Variants in MPP4 observed in about 807,000 individuals in gnomAD.
MPP4 encodes MAGUK p55 scaffold protein 4.
MPP4 carries 91 observed loss-of-function variants against 98.3 expected under a neutral mutation model. The observed-to-expected ratio is 0.93, with a 90% confidence interval of 0.78 to 1.10. The LOEUF (loss-of-function observed/expected upper bound fraction) is 1.10. Ranked by LOEUF, MPP4 falls within the 50% of genes least tolerant of loss-of-function variation. MPP4 has a pLI of 0.00. For missense variants in MPP4, 744 were observed against 792.9 expected (o/e 0.94, Z 0.74); for synonymous variants, 261 against 271.8 (o/e 0.96, Z 0.39).
rs749042448 is a variant in MPP4, at chr2:201,645,436, C to T, written c.1720-32G>A. 1.2e-5 allele frequency: 19 copies of T among 1,559,320 alleles called. No individual in the cohort carries two copies. In the South Asian group the frequency reaches 1.6e-4, roughly 13 times the overall value. On this transcript the variant is annotated intron_variant, in intron 21 of 21. Coordinates refer to ENST00000409474, the MANE Select transcript of MPP4 (RefSeq NM_033066.3). ...GAGAAATAGAAAAATATGGATAGTA[C>T]AGACTTAATTGGACAAATGGAAAAA...
rs547348692 is a variant in MPP4 at position 201,660,935 on chromosome 2, G to A, written c.1073-589C>T. 5.6e-4 allele frequency among the ~76,000 whole-genome samples: 85 copies of A among 151,992 alleles called. 4 individuals are homozygous for A. The Middle Eastern group carries it at 0.041, about 73-fold the overall frequency. On this transcript the variant is annotated intron_variant, in intron 14 of 21. Transcript: ENST00000409474. ...ATAGCCATATTCTGTTTTTTGGTTT[G>A]TTTTGAGATGCAGTCCCCTCTGTCA...
Position 201,681,546 on chromosome 2 carries a change from T to C in MPP4, c.682A>G (p.Met228Val), listed in dbSNP as rs1688666205. The C allele has an allele frequency of 1.2e-6, 2 of 1,613,726 alleles. No homozygotes were observed. The highest frequency in any genetic ancestry group is 1.7e-6 in the Non-Finnish European group (2 of 1,179,790). The change falls in exon 9 of 22, where the codon ATG (methionine) becomes GTG (valine). Residue 228 changes from methionine (M) to valine (V), a missense_variant. Physicochemically the swap from Met to Val is conservative, Grantham distance 21. Coordinates refer to ENST00000409474, the MANE Select transcript of MPP4 (RefSeq NM_033066.3). The stretch of plus-strand genomic sequence containing the variant: ...TCAGAGACTGGAACCACCTTGAACA[T>C]GATTGTGCCTCGAGACATGGCCTGG... ...HILAMSRGTI[M>V]FKVVPVSDPP...
At chr2:201,689,815 G>T (rs1482739689) in intron 4 of MPP4, among the ~76,000 whole-genome samples, 1 of 152,130 alleles carries the variant, frequency 6.6e-6, no homozygotes, top group Admixed American at 6.5e-5. Flanking sequence ...GGAGGAGTCC[G>T]TTAGACATCC....
In MPP4 at chr2:201,693,005, A is replaced by T. The variant is rs774409591; in HGVS notation, c.104T>A (p.Val35Glu). ...QNGLSQILRL[V>E]LQELSLFYGR... is the part of the protein sequence containing the mutation. ...GTAGAACAGACTCAGCTCTTGCAGC[A>T]CAAGCCTCAGGATCTGGGAGAGGCC... Residue 35 changes from valine (V) to glutamate (E), a missense_variant, in exon 3 of 22, where the codon GTG (valine) becomes GAG (glutamate). By Grantham distance (121) the Val-to-Glu change is moderately radical. Transcript: ENST00000409474. The T allele has an allele frequency of 4.3e-6, 7 of 1,612,950 alleles. No homozygotes were observed. The highest frequency in any genetic ancestry group is 5.9e-6 in the Non-Finnish European group (7 of 1,179,496).
chr2:201,674,690 C>T (rs778460213), intron 11 of MPP4, among the ~76,000 whole-genome samples: 20 of 152,096 alleles, frequency 1.3e-4, no homozygotes, highest in East Asian at 3.9e-4. Context: ...AAAACTCAGC[C>T]GCCTTTATAA....
chr2:201,675,065 C>A, intron 11 of MPP4, 142 bp downstream of exon 11: 1 of 971,312 alleles, frequency 1.0e-6, no homozygotes, highest in Non-Finnish European at 1.6e-6. Flanking sequence ...AATCTAGGGC[C>A]CTTCAAGGAG....
intron 5 of MPP4, 87 bp from the exon 6 acceptor site, chr2:201,686,137 C>T: frequency 6.8e-7 from 1 of 1,464,342 alleles, no homozygotes. Context: ...ATCTAAGACA[C>T]AGCAACAACA....
At chr2:201,653,957 C>T (rs574389734) in intron 18 of MPP4, among the ~76,000 whole-genome samples, 91 of 151,536 alleles carry the variant, frequency 6.0e-4, no homozygotes, top group African/African-American at 2.0e-3. Flanking sequence ...AAAGGAGTTA[C>T]GAGTAAAAGG....
Position 201,646,200 on chromosome 2 carries a change from A to G in MPP4, c.1720-796T>C, listed in dbSNP as rs938394132. On this transcript the variant is annotated intron_variant, in intron 21 of 21. Coordinates refer to ENST00000409474, the MANE Select transcript of MPP4 (RefSeq NM_033066.3). ...TTGAAACTTTTTAACCATATACAAC[A>G]TAAAACCAAAGAAAATGTACCAGTT... 3.3e-5 allele frequency among the ~76,000 whole-genome samples: 5 copies of G among 152,292 alleles called. No homozygotes were observed. In the East Asian group the frequency reaches 7.7e-4, roughly 23 times the overall value.
chr2:201,682,210 A>G (rs545493484), intron 8 of MPP4, among the ~76,000 whole-genome samples: 103 of 152,306 alleles, frequency 6.8e-4, no homozygotes, highest in Middle Eastern at 3.4e-3. Context: ...AGCCATGCAT[A>G]TCTGTGATTT....
At chr2:201,661,643 G>A (rs62193397) in intron 14 of MPP4, 167,507 of 454,596 alleles carry the variant, frequency 0.37, 33,855 homozygotes, top group Non-Finnish European at 0.41. Context: ...CACTTGTGTA[G>A]CACTTCCTGT....
chr2:201,663,213 C>T (rs117045807), intron 14 of MPP4, among the ~76,000 whole-genome samples: 2 of 152,210 alleles, frequency 1.3e-5, no homozygotes, highest in East Asian at 1.9e-4. Flanking sequence ...TGAAAAATGA[C>T]GCTTTTATAT....
chr2:201,657,181 G>T lies in MPP4; in HGVS notation c.1130-813C>A, dbSNP rs1041038404. 6.2e-4 allele frequency among the ~76,000 whole-genome samples: 95 copies of T among 152,154 alleles called. 6 individuals carry two copies. The highest frequency in any genetic ancestry group is 5.9e-5 in the Non-Finnish European group (4 of 68,026). Reference sequence around the variant, plus strand: ...TGGGTGGGAGATGAGGGTGGCTTGGGCCAGGGTAGAAAGAGTGGAGCAGGC... The same window carrying T: ...TGGGTGGGAGATGAGGGTGGCTTGGTCCAGGGTAGAAAGAGTGGAGCAGGC... On this transcript the variant is annotated intron_variant, in intron 16 of 21. Transcript: ENST00000409474.
At chr2:201,694,862 C>A (rs1291806854) in intron 1 of MPP4, among the ~76,000 whole-genome samples, 1 of 152,022 alleles carries the variant, frequency 6.6e-6, no homozygotes, top group Non-Finnish European at 1.5e-5. Context: ...AATCTTCCCA[C>A]CTTGGCTTCT....
intron 3 of MPP4, among the ~76,000 whole-genome samples, chr2:201,691,133 G>A (rs1689008312): frequency 6.6e-6 from 1 of 152,186 alleles, no homozygotes; most frequent in Non-Finnish European, 1.5e-5. Context: ...CCTAGCAGTG[G>A]TGAGCAAAGG....
At chr2:201,654,402 C>T (rs955303788) in intron 18 of MPP4, among the ~76,000 whole-genome samples, 1 of 152,160 alleles carries the variant, frequency 6.6e-6, no homozygotes, top group African/African-American at 2.4e-5. Context: ...TTATTGCTAA[C>T]TATTAGTTTG....
At chr2:201,681,426 C>T (rs984841989) in intron 9 of MPP4, 70 bp downstream of exon 9, 97 of 1,211,672 alleles carry the variant, frequency 8.0e-5, no homozygotes, top group African/African-American at 2.5e-4. Flanking sequence ...AGGATTATTA[C>T]GCATCATATT....
intron 20 of MPP4, among the ~76,000 whole-genome samples, chr2:201,648,962 G>T (rs1687643253): frequency 6.6e-6 from 1 of 152,106 alleles, no homozygotes; most frequent in South Asian, 2.1e-4. Context: ...TACTCGGGAG[G>T]CTGAGGCACG....
At chr2:201,696,200 T>C (rs1019995086) in intron 1 of MPP4, among the ~76,000 whole-genome samples, 2 of 152,202 alleles carry the variant, frequency 1.3e-5, no homozygotes, top group Non-Finnish European at 2.9e-5. Flanking sequence ...AAGCTTGACA[T>C]CGTTATGCTT....
Sources: gnomAD v4.1 joint callset for allele counts (sites outside exome capture counted in the v4.1 genomes callset) on GRCh38, gnomAD v4.1.1 for gene constraint, MANE v1.5 for transcripts, NCBI Gene and HGNC (gene_info 2026-07-23, HGNC 2026-07-21) for gene names.